DCC: variants seen among roughly 807,000 people sequenced by gnomAD.
DCC encodes DCC netrin 1 receptor, also known as netrin receptor DCC.
DCC carries 58 observed loss-of-function variants against 172.5 expected under a neutral mutation model. The observed-to-expected ratio is 0.34, with a 90% CI of 0.27 to 0.42. The LOEUF is 0.42. DCC is among the 10% of genes least tolerant of loss of function. The pLI is 1.00. For synonymous variants in DCC, 709 were observed against 644.5 expected (o/e 1.10, Z -1.52); for missense variants, 1,740 against 1,791.0 (o/e 0.97, Z 0.51).
intron 2 of DCC, among the ~76,000 whole-genome samples, chr18:52,876,075 T>G (rs1003939170): frequency 2.0e-5 from 3 of 152,136 alleles, no homozygotes; most frequent in African/African-American, 7.2e-5. Context: ...TGTTCTTTAG[T>G]GAAACAACAT....
chr18:53,073,248 C>T (rs538305778), intron 7 of DCC, among the ~76,000 whole-genome samples: 10 of 152,156 alleles, frequency 6.6e-5, no homozygotes, highest in African/African-American at 2.2e-4. Flanking sequence ...AAAATAGGCC[C>T]GGCGCGGTGG....
At chr18:53,484,301 T>G (rs1173935500) in intron 25 of DCC, among the ~76,000 whole-genome samples, 2 of 151,942 alleles carry the variant, frequency 1.3e-5, no homozygotes, top group Non-Finnish European at 2.9e-5. Context: ...GTACCAAAAT[T>G]TATCAGCAAT....
chr18:53,496,024 C>T (rs2046019312), intron 26 of DCC, among the ~76,000 whole-genome samples: 1 of 152,162 alleles, frequency 6.6e-6, no homozygotes, highest in Non-Finnish European at 1.5e-5. Context: ...CAGCTATGGG[C>T]ACAGCTTCAG....
Position 53,097,721 on chromosome 18 carries a change from A to T in DCC, c.1261+31555A>T, listed in dbSNP as rs191600974. Among the ~76,000 whole-genome samples, 207 of 152,292 alleles carry T rather than the reference A, an allele frequency of 1.4e-3. 2 individuals are homozygous for T. Among genetic ancestry groups the T allele is most frequent in the Admixed American group, 9.8e-3 (150 of 15,292 alleles). ...AGAAGTCCATGATTAATATGCAGGC[A>T]AATTCATTTACTGGTAAGGGCTCTC... is the stretch of plus-strand genomic sequence containing the variant. On this transcript the variant is annotated intron_variant, in intron 7 of 28. Transcript: ENST00000442544.
chr18:52,528,178 A>G (rs2032039677), intron 1 of DCC, among the ~76,000 whole-genome samples: 1 of 152,212 alleles, frequency 6.6e-6, no homozygotes, highest in South Asian at 2.1e-4. Flanking sequence ...AACAAAACAA[A>G]ACAAAAACAA....
At chr18:52,587,736 G>A (rs1425604017) in intron 1 of DCC, among the ~76,000 whole-genome samples, 1 of 152,172 alleles carries the variant, frequency 6.6e-6, no homozygotes, top group Non-Finnish European at 1.5e-5. Context: ...AGGGGCTGTA[G>A]TGCTGCAGCT....
chr18:53,293,616 C>T (rs1036424725), intron 12 of DCC, among the ~76,000 whole-genome samples: 1 of 152,112 alleles, frequency 6.6e-6, no homozygotes, highest in Non-Finnish European at 1.5e-5. Flanking sequence ...GTTCCTCTCC[C>T]TCCTCGCACC....
chr18:52,622,521 G>A (rs762738999), intron 1 of DCC, among the ~76,000 whole-genome samples: 11 of 152,070 alleles, frequency 7.2e-5, no homozygotes, highest in Admixed American at 1.3e-4. Context: ...AAGACTTATC[G>A]ACATCGTTGG....
chr18:52,785,655 T>C (rs946461065), intron 2 of DCC, among the ~76,000 whole-genome samples: 2 of 152,092 alleles, frequency 1.3e-5, no homozygotes, highest in African/African-American at 4.8e-5. Context: ...ATCATTCTAA[T>C]GGGTTGTGAT....
At chr18:52,609,435 A>G (rs1239190516) in intron 1 of DCC, among the ~76,000 whole-genome samples, 1 of 151,906 alleles carries the variant, frequency 6.6e-6, no homozygotes, top group East Asian at 1.9e-4. Context: ...CATTCACTCC[A>G]TTTGTAATTA....
At chr18:52,748,926 T>A (rs1419385589) in intron 1 of DCC, among the ~76,000 whole-genome samples, 2 of 152,158 alleles carry the variant, frequency 1.3e-5, no homozygotes, top group East Asian at 3.9e-4. Flanking sequence ...GCTGGACCCA[T>A]TGGCTCATGC....
intron 27 of DCC, among the ~76,000 whole-genome samples, chr18:53,506,575 C>T (rs1828358451): frequency 2.6e-5 from 4 of 152,018 alleles, no homozygotes; most frequent in South Asian, 2.1e-4. Context: ...AGAAAGGAGG[C>T]GGCCAGGTGT....
chr18:53,426,513 G>A (rs1372588149), intron 21 of DCC, among the ~76,000 whole-genome samples: 1 of 147,816 alleles, frequency 6.8e-6, no homozygotes, highest in East Asian at 2.0e-4. Flanking sequence ...GGTTGGCCTG[G>A]CAAAGTATAC....
Position 52,910,568 on chromosome 18 carries a change from G to A in DCC, c.697+4240G>A, listed in dbSNP as rs779834952. 2.0e-4 allele frequency among the ~76,000 whole-genome samples: 31 copies of A among 152,060 alleles called. 1 individual carries two copies. Among genetic ancestry groups the A allele is most frequent in the Non-Finnish European group, 4.3e-4 (29 of 67,998 alleles). ...ACAATGTCTGATTGTGTGTGATGGC[G>A]AACATGTGATGAATGGAAGCAGCCA... On this transcript the variant is annotated intron_variant, in intron 3 of 28. Coordinates refer to ENST00000442544, the MANE Select transcript of DCC (RefSeq NM_005215.4).
chr18:52,601,775 G>A (rs2034022678), intron 1 of DCC, among the ~76,000 whole-genome samples: 1 of 152,016 alleles, frequency 6.6e-6, no homozygotes, highest in Non-Finnish European at 1.5e-5. Flanking sequence ...TAGCACAAGT[G>A]TATATATTGT....
In DCC at chr18:52,925,281, A is replaced by G. The variant is rs201234968; in HGVS notation, c.896A>G (p.Asn299Ser). Residue 299 changes from asparagine to serine, a missense_variant, in exon 5 of 29, where the codon AAT (asparagine) becomes AGT (serine). Around this residue, in one of 2 missense-constraint regions of DCC, gnomAD observed 1,732 missense variants for 1,767.4 expected, o/e 0.98. Transcript: ENST00000442544. ...GGTGGAAGCAACTTGCTTATCTCCA[A>G]TGTGACAGATGATGACAGTGGAATG... ...LLGGSNLLIS[N>S]VTDDDSGMYT... 3.8e-5 allele frequency: 61 copies of G among 1,612,478 alleles called. 1 individual carries two copies. In the Middle Eastern group the frequency reaches 9.9e-4, roughly 26 times the overall value.
intron 7 of DCC, among the ~76,000 whole-genome samples, chr18:53,146,823 T>C (rs2043922930): frequency 6.6e-6 from 1 of 152,218 alleles, no homozygotes; most frequent in South Asian, 2.1e-4. Flanking sequence ...AACATCTGTA[T>C]CCTATGTTTT....
At chr18:52,374,193 A>G (rs979954076) in intron 1 of DCC, among the ~76,000 whole-genome samples, 2 of 152,018 alleles carry the variant, frequency 1.3e-5, no homozygotes, top group African/African-American at 4.8e-5. Context: ...TGCTGGGCCT[A>G]TATTTTTTAA....
At chr18:52,347,713 A>G (rs961616254) in intron 1 of DCC, among the ~76,000 whole-genome samples, 3 of 152,140 alleles carry the variant, frequency 2.0e-5, no homozygotes, top group African/African-American at 7.2e-5. Flanking sequence ...AGGAATATCT[A>G]ATTAGTTTTA....
Sources: allele counts gnomAD v4.1 joint callset (sites outside exome capture counted in the v4.1 genomes callset), GRCh38; gene constraint gnomAD v4.1.1; regional missense constraint gnomAD v4.1.1; transcripts MANE v1.5; gene names NCBI Gene and HGNC (gene_info 2026-07-23, HGNC 2026-07-21).